LSM12: variants seen among roughly 807,000 people sequenced by gnomAD.
The protein encoded by LSM12 is protein LSM12.
For missense variants in LSM12, 108 were observed against 238.9 expected (o/e 0.45, Z 3.61); for synonymous variants, 74 against 87.3 (o/e 0.85, Z 0.85).
intron 2 of LSM12, among the ~76,000 whole-genome samples, chr17:44,044,828 T>C (rs1417665114): frequency 6.6e-6 from 1 of 152,192 alleles, no homozygotes; most frequent in African/African-American, 2.4e-5. Context: ...CTACCCTCAA[T>C]TTAGCTGCTG....
intron 2 of LSM12, among the ~76,000 whole-genome samples, chr17:44,042,112 C>A (rs973916290): frequency 1.6e-4 from 25 of 152,070 alleles, no homozygotes; most frequent in African/African-American, 5.6e-4. Context: ...CATGGTGAAA[C>A]CCCGTCTCTA....
At chr17:44,039,890 G>A (rs1441109508) in intron 3 of LSM12, among the ~76,000 whole-genome samples, 4 of 152,152 alleles carry the variant, frequency 2.6e-5, no homozygotes, top group African/African-American at 7.2e-5. Flanking sequence ...GGATCCTTAG[G>A]GATAATCTAA....
chr17:44,064,317 G>A (rs1291596852), intron 1 of LSM12, among the ~76,000 whole-genome samples: 1 of 152,152 alleles, frequency 6.6e-6, no homozygotes, highest in Admixed American at 6.6e-5. Context: ...ATTTTGCAGA[G>A]GAGAAAACTA....
chr17:44,058,768 G>A (rs1355834913), intron 2 of LSM12, among the ~76,000 whole-genome samples: 1 of 152,068 alleles, frequency 6.6e-6, no homozygotes, highest in African/African-American at 2.4e-5. Context: ...GGAGGCAGAG[G>A]TTGCAGTGAG....
At chr17:44,050,935 C>A (rs2049634998) in intron 2 of LSM12, among the ~76,000 whole-genome samples, 1 of 152,128 alleles carries the variant, frequency 6.6e-6, no homozygotes, top group Non-Finnish European at 1.5e-5. Context: ...GGGTTTGAGA[C>A]CAGCCTGGGC....
chr17:44,038,146 C>T (rs2049439247), intron 3 of LSM12, among the ~76,000 whole-genome samples: 1 of 151,834 alleles, frequency 6.6e-6, no homozygotes, highest in Non-Finnish European at 1.5e-5. Context: ...TCCAGGAGTT[C>T]GAGACCAGAC....
At chr17:44,037,706 G>A (rs992273126) in intron 3 of LSM12, among the ~76,000 whole-genome samples, 168 bp from the exon 4 acceptor site, 2 of 152,060 alleles carry the variant, frequency 1.3e-5, no homozygotes, top group African/African-American at 2.4e-5. Context: ...TTCCTTGGGT[G>A]CCACTGGCTA....
chr17:44,049,616 T>A (rs2049616398), intron 2 of LSM12, among the ~76,000 whole-genome samples: 1 of 152,164 alleles, frequency 6.6e-6, no homozygotes, highest in African/African-American at 2.4e-5. Context: ...ACATATCTTG[T>A]CTGCACGCAG....
intron 2 of LSM12, among the ~76,000 whole-genome samples, chr17:44,058,486 G>A (rs1412850852): frequency 6.6e-6 from 1 of 151,986 alleles, no homozygotes; most frequent in Non-Finnish European, 1.5e-5. Context: ...AGGATTGCTT[G>A]AGCCCAGGAG....
intron 2 of LSM12, among the ~76,000 whole-genome samples, chr17:44,045,104 T>TGCAA (rs1474014060): frequency 6.6e-6 from 1 of 152,152 alleles, no homozygotes; most frequent in African/African-American, 2.4e-5. Flanking sequence ...CTCAGCTCAC[T>TGCAA]GCAACCTCCG....
intron 3 of LSM12, among the ~76,000 whole-genome samples, 158 bp downstream of exon 3, chr17:44,039,989 C>T (rs903952196): frequency 1.3e-5 from 2 of 152,210 alleles, no homozygotes; most frequent in Non-Finnish European, 2.9e-5. Context: ...GGAAAGGGGG[C>T]TACAGCACCT....
intron 2 of LSM12, among the ~76,000 whole-genome samples, chr17:44,059,601 CCT>C (rs2049768807): frequency 1.3e-5 from 2 of 152,162 alleles, no homozygotes; most frequent in East Asian, 3.8e-4. Context: ...TCTCAAGCTT[CCT>C]CTTACATGCT....
At chr17:44,055,909 T>C (rs1430514263) in intron 2 of LSM12, among the ~76,000 whole-genome samples, 2 of 151,674 alleles carry the variant, frequency 1.3e-5, no homozygotes, top group Non-Finnish European at 2.9e-5. Context: ...ATACTGAATT[T>C]TAACCGTGAA....
At chr17:44,049,364 A>G (rs1340340136) in intron 2 of LSM12, among the ~76,000 whole-genome samples, 1 of 152,026 alleles carries the variant, frequency 6.6e-6, no homozygotes, top group Admixed American at 6.6e-5. Flanking sequence ...TGCAGTCACA[A>G]ACTCCTGGGC....
At position 44,040,488 on chromosome 17, in the gene LSM12, T is replaced by C. The variant is rs116507010; in HGVS notation, c.259-232A>G. ...TCTAATACTTACTGCATACCTACCA[T>C]GTGCCAGACATTCACTATGCTAGGC... On this transcript the variant is annotated intron_variant, in intron 2 of 4. Coordinates refer to ENST00000293406, the MANE Select transcript of LSM12 (RefSeq NM_001371445.1). The C allele has an allele frequency of 2.4e-3, 1,085 of 453,128 alleles. 10 individuals carry two copies. Among genetic ancestry groups the C allele is most frequent in the African/African-American group, 0.02 (998 of 50,454 alleles). The allele number at this position is 453,128 out of a possible 1,614,324, so 28.1% of individuals were successfully genotyped here.
At chr17:44,046,702 T>G (rs374875194) in intron 2 of LSM12, among the ~76,000 whole-genome samples, 1 of 108,156 alleles carries the variant, frequency 9.2e-6, no homozygotes, top group East Asian at 3.1e-4. Context: ...AGAGCCAGAC[T>G]CCGTCTCAAA....
At chr17:44,054,491 G>A (rs1051015499) in intron 2 of LSM12, among the ~76,000 whole-genome samples, 1 of 151,970 alleles carries the variant, frequency 6.6e-6, no homozygotes, top group Non-Finnish European at 1.5e-5. Flanking sequence ...TGTATTTTTT[G>A]TACAGACAGG....
At position 44,066,295 on chromosome 17, in the gene LSM12, C is replaced by T. The variant is rs915241311; in HGVS notation, c.124+169G>A. Reference sequence around the variant, plus strand: ...GGATCCCCAAAGCTGACCGAAGGGCCCGCGGGAGGGGGAGGGGAGCTCAGG... The same window carrying T: ...GGATCCCCAAAGCTGACCGAAGGGCTCGCGGGAGGGGGAGGGGAGCTCAGG... On this transcript the variant is annotated intron_variant, in intron 1 of 4. Coordinates refer to ENST00000293406, the MANE Select transcript of LSM12 (RefSeq NM_001371445.1). Among the ~76,000 whole-genome samples the T allele has an allele frequency of 2.6e-5, 4 of 152,276 alleles. No individual in the cohort carries two copies. In the East Asian group the frequency reaches 7.7e-4, roughly 29 times the overall value.
At chr17:44,057,022 G>A (rs112294858) in intron 2 of LSM12, among the ~76,000 whole-genome samples, 355 of 152,034 alleles carry the variant, frequency 2.3e-3, no homozygotes, top group Non-Finnish European at 4.1e-3. Context: ...CGGACGTGGT[G>A]GGGCGCACCT....
Sources: allele counts gnomAD v4.1 joint callset (sites outside exome capture counted in the v4.1 genomes callset), GRCh38; gene constraint gnomAD v4.1.1; transcripts MANE v1.5; gene names NCBI Gene and HGNC (gene_info 2026-07-23, HGNC 2026-07-21).